SORL1: variants seen among roughly 807,000 people sequenced by gnomAD.
SORL1 encodes the protein sortilin-related receptor.
SORL1 carries 127 observed loss-of-function variants against 273.7 expected under a neutral mutation model. The ratio of observed to expected loss-of-function variants is 0.46; its 90% CI spans 0.40 to 0.54. SORL1 has a LOEUF of 0.54. Among genes scored for constraint, SORL1 ranks in the 20% least tolerant of loss-of-function variants. The probability of loss-of-function intolerance (pLI) is 0.00; values close to 1 mark genes in which losing one functional copy is unlikely to be tolerated. For missense variants in SORL1, 2,494 were observed against 2,846.1 expected (o/e 0.88, Z 2.81); for synonymous variants, 1,031 against 1,067.4 (o/e 0.97, Z 0.66).
In SORL1 at chr11:121,490,030, C is replaced by G. The variant is rs1238560394; in HGVS notation, c.691-13C>G. ...ATACATGCCTCTTGCATCATGACCACTTGTCTTTGCAGCTGTGGAAGTCAG... is the reference window on the plus strand; with the variant it reads ...ATACATGCCTCTTGCATCATGACCAGTTGTCTTTGCAGCTGTGGAAGTCAG... On this transcript the variant is annotated splice_polypyrimidine_tract_variant and intron_variant, in intron 4 of 47. Transcript: ENST00000260197. 5 of 1,610,342 alleles carry G rather than the reference C, an allele frequency of 3.1e-6. No individual in the cohort carries two copies. The highest frequency in any genetic ancestry group is 2.2e-5 in the South Asian group (2 of 91,016).
intron 25 of SORL1, among the ~76,000 whole-genome samples, chr11:121,582,418 A>G (rs1238997247): frequency 6.6e-6 from 1 of 152,236 alleles, no homozygotes; most frequent in East Asian, 1.9e-4. Context: ...TCTAGGTTCT[A>G]TTATCTTATG....
At chr11:121,548,740 T>A (rs943359438) in intron 14 of SORL1, among the ~76,000 whole-genome samples, 1 of 152,086 alleles carries the variant, frequency 6.6e-6, no homozygotes, top group Non-Finnish European at 1.5e-5. Context: ...CTGATTTTTG[T>A]ATTTTTAGTA....
In SORL1 at chr11:121,468,440, A is replaced by G. The variant is rs891755057; in HGVS notation, c.286-1567A>G. Reference sequence around the variant, plus strand: ...ACCACCTCTCAGAATTTTTTTTTTGAGACTGAGTCTTGCTCTGTCGCCCAG... The same window carrying G: ...ACCACCTCTCAGAATTTTTTTTTTGGGACTGAGTCTTGCTCTGTCGCCCAG... On this transcript the variant is annotated intron_variant, in intron 1 of 47. Coordinates refer to ENST00000260197, the MANE Select transcript of SORL1 (RefSeq NM_003105.6). Among the ~76,000 whole-genome samples the G allele has an allele frequency of 2.6e-5, 4 of 151,622 alleles. No homozygotes were observed. The South Asian group carries it at 8.3e-4, about 32-fold the overall frequency.
chr11:121,532,572 C>T lies in SORL1; in HGVS notation c.1685+20C>T. 6.3e-7 allele frequency: 1 copy of T among 1,590,638 alleles called. No individual in the cohort carries two copies. Among genetic ancestry groups the T allele is most frequent in the East Asian group, 2.2e-5 (1 of 44,760 alleles). On this transcript the variant is annotated intron_variant, in intron 12 of 47. Transcript: ENST00000260197. ...GCTAAAGTAAGTGTCTCTGATGAGG[C>T]CTTTTAACATCAAACTTTCTCCCAG...
Position 121,567,121 on chromosome 11 carries a change from C to A in SORL1, c.3223+8C>A. Reference sequence around the variant, plus strand: ...ATACCTGTGTCAAACAAGGTACTTCCCTTTTTCTTTTTTGCCTGTCATCCT... The same window carrying A: ...ATACCTGTGTCAAACAAGGTACTTCACTTTTTCTTTTTTGCCTGTCATCCT... On this transcript the variant is annotated splice_region_variant and intron_variant, in intron 22 of 47. Coordinates refer to ENST00000260197, the MANE Select transcript of SORL1 (RefSeq NM_003105.6). 6.2e-7 allele frequency: 1 copy of A among 1,607,684 alleles called. No individual in the cohort carries two copies. The highest frequency in any genetic ancestry group is 1.3e-5 in the African/African-American group (1 of 74,860).
intron 1 of SORL1, among the ~76,000 whole-genome samples, chr11:121,464,990 G>T (rs868806243): frequency 6.6e-6 from 1 of 152,172 alleles, no homozygotes; most frequent in African/African-American, 2.4e-5. Flanking sequence ...AATGTTCTCT[G>T]CAGGTCCTAG....
rs536574300 is a variant in SORL1, at chr11:121,555,282, G to A, written c.2535G>A (p.Leu845=). 1 of 1,614,100 alleles carries A rather than the reference G, an allele frequency of 6.2e-7. No individual in the cohort carries two copies. The highest frequency in any genetic ancestry group is 1.7e-5 in the Admixed American group (1 of 60,026). ...TGGCTTTTGAACCCCTCAGCCAGCTGCTTTACTGGGTAGATGCAGGCTTCA... is the reference window on the plus strand; with the variant it reads ...TGGCTTTTGAACCCCTCAGCCAGCTACTTTACTGGGTAGATGCAGGCTTCA... ...EALAFEPLSQ[L]LYWVDAGFKK... Residue 845 remains leucine (L), a synonymous_variant, in exon 18 of 48, where the codon CTG becomes CTA. Transcript: ENST00000260197.
intron 6 of SORL1, among the ~76,000 whole-genome samples, chr11:121,505,812 A>C (rs1861778745): frequency 6.6e-6 from 1 of 152,054 alleles, no homozygotes. Flanking sequence ...ATATGGTTTC[A>C]GTTCTTTTTA....
rs749966000 is a variant in SORL1, at chr11:121,558,592, G to A, written c.2665G>A (p.Val889Met). 5 of 1,614,118 alleles carry A rather than the reference G, an allele frequency of 3.1e-6. No homozygotes were observed. The South Asian group carries it at 3.3e-5, about 11-fold the overall frequency. Residue 889 changes from valine (V) to methionine (M), a missense_variant and splice_region_variant, in exon 20 of 48, where the codon GTG (valine) becomes ATG (methionine). Around this residue, in one of 3 missense-constraint regions of SORL1, gnomAD observed 1,609 missense variants for 1,816.4 expected, o/e 0.89. Coordinates refer to ENST00000260197, the MANE Select transcript of SORL1 (RefSeq NM_003105.6). The part of the protein sequence containing the change: ...RALVLVPQEG[V>M]MFWTDWGDLK... ...GTGTTCTGTCCCCATTTTCGCTAGG[G>A]TGATGTTCTGGACAGACTGGGGAGA...
At chr11:121,506,256 C>T (rs1267210368) in intron 6 of SORL1, among the ~76,000 whole-genome samples, 2 of 152,088 alleles carry the variant, frequency 1.3e-5, no homozygotes, top group African/African-American at 4.8e-5. Flanking sequence ...ATTATTATAG[C>T]TATTCTTTTC....
chr11:121,487,903 T>G, intron 3 of SORL1, 129 bp from the exon 4 acceptor site: 1 of 851,076 alleles, frequency 1.2e-6, no homozygotes, highest in Non-Finnish European at 1.9e-6. Context: ...CCTGTAAGGC[T>G]GTGGTGCCTT....
chr11:121,468,939 A>G (rs1861129617), intron 1 of SORL1, among the ~76,000 whole-genome samples: 1 of 152,238 alleles, frequency 6.6e-6, no homozygotes, highest in African/African-American at 2.4e-5. Context: ...CACATCTTTG[A>G]AAAAATGACA....
intron 31 of SORL1, among the ~76,000 whole-genome samples, chr11:121,591,930 A>G (rs1863221946): frequency 6.6e-6 from 1 of 152,176 alleles, no homozygotes; most frequent in Non-Finnish European, 1.5e-5. Flanking sequence ...TTCTGATTCT[A>G]TGTTTTTTAT....
At chr11:121,536,822 G>A (rs761142916) in intron 12 of SORL1, among the ~76,000 whole-genome samples, 19 of 152,154 alleles carry the variant, frequency 1.2e-4, no homozygotes, top group African/African-American at 4.3e-4. Context: ...GGAAAGATTC[G>A]AGGTGCCAGG....
In SORL1 at chr11:121,599,395, T is replaced by A. The variant is rs183662057; in HGVS notation, c.4519+3623T>A. ...CCCCATCTCTACTAAAAATGTAAAA[T>A]TAGCTGGGCATGGCGGCGCATGCCT... On this transcript the variant is annotated intron_variant, in intron 32 of 47. Transcript: ENST00000260197. Among the ~76,000 whole-genome samples, 4 of 152,240 alleles carry A rather than the reference T, an allele frequency of 2.6e-5. No homozygotes were observed. In the East Asian group the frequency reaches 7.7e-4, roughly 29 times the overall value.
chr11:121,536,522 T>C (rs1862269708), intron 12 of SORL1, among the ~76,000 whole-genome samples: 1 of 141,180 alleles, frequency 7.1e-6, no homozygotes, highest in Non-Finnish European at 1.5e-5. Flanking sequence ...CATCTCAGCC[T>C]CCCAGTAGCT....
chr11:121,588,222 G>T lies in SORL1; in HGVS notation c.3946+71G>T, dbSNP rs574654367. Reference sequence around the variant, plus strand: ...CTTGCATGGGGGTTTGGCCACCCTGGGGTTGTGTCTCTATTTAATAACTGA... The same window carrying T: ...CTTGCATGGGGGTTTGGCCACCCTGTGGTTGTGTCTCTATTTAATAACTGA... On this transcript the variant is annotated intron_variant, in intron 28 of 47. Coordinates refer to ENST00000260197, the MANE Select transcript of SORL1 (RefSeq NM_003105.6). The T allele has an allele frequency of 2.3e-5, 36 of 1,564,942 alleles. No individual in the cohort carries two copies. In the South Asian group the frequency reaches 2.5e-4, roughly 11 times the overall value.
At chr11:121,562,992 T>C (rs1329557986) in intron 21 of SORL1, among the ~76,000 whole-genome samples, 2 of 152,174 alleles carry the variant, frequency 1.3e-5, no homozygotes, top group African/African-American at 2.4e-5. Context: ...CTACATGTAT[T>C]GAGGGGTTGC....
intron 12 of SORL1, among the ~76,000 whole-genome samples, chr11:121,533,842 T>C (rs17125423): frequency 0.015 from 2,249 of 152,298 alleles, 68 homozygotes; most frequent in African/African-American, 0.051. Context: ...TTCTCTGTTC[T>C]GTGTAGCACT....
Sources: gnomAD v4.1 joint callset for allele counts (sites outside exome capture counted in the v4.1 genomes callset) on GRCh38, gnomAD v4.1.1 for gene constraint, gnomAD v4.1.1 regional missense constraint, MANE v1.5 for transcripts, NCBI Gene and HGNC (gene_info 2026-07-23, HGNC 2026-07-21) for gene names.